The following TRIM33 variants were observed in gnomAD, a reference collection of about 807,000 sequenced individuals.
The protein encoded by TRIM33 is E3 ubiquitin-protein ligase TRIM33.
TRIM33 carries 20 observed loss-of-function variants against 125.4 expected under a neutral mutation model. That is an observed-to-expected ratio of 0.16 (90% CI 0.11 to 0.23). The LOEUF is 0.23. Among genes scored for constraint, TRIM33 ranks in the 10% least tolerant of loss-of-function variants. The probability of loss-of-function intolerance (pLI) is 1.00; values close to 1 mark genes in which losing one functional copy is unlikely to be tolerated. For synonymous variants in TRIM33, 564 were observed against 513.9 expected (o/e 1.10, Z -1.32); for missense variants, 920 against 1,411.4 (o/e 0.65, Z 5.58).
chr1:114,397,303 C>T lies in TRIM33; in HGVS notation c.*345G>A, dbSNP rs1236491024. ...GTGACACGAGTCTCAAGTATTTACT[C>T]GTATACCAAGTATCCTGCACCAATC... On this transcript the variant is annotated 3_prime_UTR_variant, in exon 20 of 20. Coordinates refer to ENST00000358465, the MANE Select transcript of TRIM33 (RefSeq NM_015906.4). 3 of 305,526 alleles carry T rather than the reference C, an allele frequency of 9.8e-6. No homozygotes were observed. Among genetic ancestry groups the T allele is most frequent in the Admixed American group, 4.6e-5 (1 of 21,818 alleles). The allele number at this position is 305,526 out of a possible 1,614,324, so 18.9% of individuals were successfully genotyped here. A position where few individuals can be genotyped will look rare whatever the true frequency, so the allele number is the denominator to read the frequency against.
At chr1:114,404,745 C>G (rs904082002) in intron 15 of TRIM33, 1 of 150,626 alleles carries the variant, frequency 6.6e-6, no homozygotes, top group Non-Finnish European at 1.5e-5. Context: ...AAGGTTAACA[C>G]TTTCAAAGAG....
chr1:114,456,107 G>A (rs1649602508), intron 4 of TRIM33, among the ~76,000 whole-genome samples: 1 of 152,196 alleles, frequency 6.6e-6, no homozygotes, highest in Admixed American at 6.5e-5. Flanking sequence ...GCCTTTATGT[G>A]AGGTGGTTAC....
intron 11 of TRIM33, among the ~76,000 whole-genome samples, chr1:114,413,371 C>A (rs1264481547): frequency 2.6e-5 from 4 of 151,708 alleles, no homozygotes; most frequent in Non-Finnish European, 5.9e-5. Flanking sequence ...CCAGCCTGAC[C>A]AACATGAAGA....
In TRIM33 at chr1:114,427,830, C is replaced by T. The variant is rs374822803; in HGVS notation, c.1220G>A (p.Arg407Gln). Reference sequence around the variant, plus strand: ...GAAGTTCATAACATGCTTCACCTGCCGGGAAAGGCCTGTGATGTCATTCTG... The same window carrying T: ...GAAGTTCATAACATGCTTCACCTGCTGGGAAAGGCCTGTGATGTCATTCTG... ...QQQNDITGLS[R>Q]QVKHVMNFTN... Residue 407 changes from arginine (R) to glutamine (Q), a missense_variant, in exon 7 of 20, where the codon CGG becomes CAG. Arg to Gln is a conservative substitution (Grantham distance 43). Around this residue, in one of 8 missense-constraint regions of TRIM33, gnomAD observed 407 missense variants for 589.7 expected, o/e 0.69. Coordinates refer to ENST00000358465, the MANE Select transcript of TRIM33 (RefSeq NM_015906.4). The T allele has an allele frequency of 2.6e-5, 42 of 1,614,014 alleles. No homozygotes were observed. The highest frequency in any genetic ancestry group is 1.9e-5 in the Non-Finnish European group (22 of 1,180,028).
intron 1 of TRIM33, among the ~76,000 whole-genome samples, chr1:114,467,712 T>C (rs1336920529): frequency 6.6e-6 from 1 of 152,180 alleles, no homozygotes; most frequent in Non-Finnish European, 1.5e-5. Context: ...CCATTAACCA[T>C]TTATGATTAA....
rs558513378 is a variant in TRIM33, at chr1:114,503,452, T to C, written c.526+7099A>G. On this transcript the variant is annotated intron_variant, in intron 1 of 19. Coordinates refer to ENST00000358465, the MANE Select transcript of TRIM33 (RefSeq NM_015906.4). Reference sequence around the variant, plus strand: ...AAGATTGCGCCACTGCACTCCAGTGTGGGTGACAAAGCAAGACTCCATCTC... The same window carrying C: ...AAGATTGCGCCACTGCACTCCAGTGCGGGTGACAAAGCAAGACTCCATCTC... Among the ~76,000 whole-genome samples the C allele has an allele frequency of 5.9e-5, 9 of 152,214 alleles. 1 individual carries two copies. The East Asian group carries it at 1.4e-3, about 23-fold the overall frequency.
intron 9 of TRIM33, 80 bp from the exon 10 acceptor site, chr1:114,424,835 A>T: frequency 9.7e-7 from 1 of 1,034,462 alleles, no homozygotes; most frequent in Non-Finnish European, 1.3e-6. Flanking sequence ...TCATAAAAAT[A>T]ATTCAGTCAA....
At chr1:114,508,606 C>G (rs185810174) in intron 1 of TRIM33, among the ~76,000 whole-genome samples, 108 of 152,128 alleles carry the variant, frequency 7.1e-4, no homozygotes, top group African/African-American at 2.6e-3. Context: ...CTCCCTACAC[C>G]CCAGCCCTCA....
intron 1 of TRIM33, among the ~76,000 whole-genome samples, chr1:114,487,671 G>C (rs1380562258): frequency 6.6e-6 from 1 of 151,428 alleles, no homozygotes; most frequent in Non-Finnish European, 1.5e-5. Context: ...GCCGAGGCGG[G>C]TGGATCATGA....
chr1:114,420,444 A>G (rs1653207388), intron 11 of TRIM33: 3 of 1,333,876 alleles, frequency 2.2e-6, no homozygotes, highest in Non-Finnish European at 3.0e-6. Flanking sequence ...CATCGGAACA[A>G]CGTTTGCCTG....
intron 11 of TRIM33, 52 bp downstream of exon 11, chr1:114,421,384 C>T (rs1653272250): frequency 1.3e-6 from 2 of 1,486,860 alleles, no homozygotes; most frequent in East Asian, 2.3e-5. Flanking sequence ...AATACTCTAA[C>T]TCTGTAATTA....
chr1:114,471,419 G>A (rs147322135), intron 1 of TRIM33, among the ~76,000 whole-genome samples: 1,557 of 147,994 alleles, frequency 0.011, 19 homozygotes, highest in Middle Eastern at 0.056. Context: ...CCAGCCTGGC[G>A]ACAGAGCAAG....
chr1:114,463,639 AC>A (rs1650122336), intron 2 of TRIM33, 83 bp from the exon 3 acceptor site: 2 of 817,690 alleles, frequency 2.4e-6, no homozygotes, highest in African/African-American at 3.5e-5. Flanking sequence ...TCTTCAATAT[AC>A]TATTTCACTG....
chr1:114,410,299 T>C lies in TRIM33; in HGVS notation c.2079A>G (p.Ser693=). ...IPPIQLEDAG[S]SSLDNLLSRY... Reference sequence around the variant, plus strand: ...TACTTAGTAGATTATCTAAACTACTTGAGCCAGCATCTTCCAACTGAAGAG... The same window carrying C: ...TACTTAGTAGATTATCTAAACTACTCGAGCCAGCATCTTCCAACTGAAGAG... Residue 693 remains serine (S), a synonymous_variant, in exon 12 of 20, where the codon TCA becomes TCG. Transcript: ENST00000358465. 6.2e-7 allele frequency: 1 copy of C among 1,611,368 alleles called. No homozygotes were observed. The highest frequency in any genetic ancestry group is 1.1e-5 in the South Asian group (1 of 90,636).
chr1:114,456,498 A>G (rs577078699), intron 4 of TRIM33, among the ~76,000 whole-genome samples: 2 of 152,312 alleles, frequency 1.3e-5, no homozygotes, highest in African/African-American at 2.4e-5. Flanking sequence ...GCAGTTCCTA[A>G]TATGGTCTCA....
intron 1 of TRIM33, among the ~76,000 whole-genome samples, chr1:114,469,533 T>A (rs1650510763): frequency 6.6e-6 from 1 of 152,230 alleles, no homozygotes; most frequent in Admixed American, 6.5e-5. Flanking sequence ...AATTGTTCAC[T>A]GGCATCTGTA....
chr1:114,409,435 A>G (rs777924089), intron 12 of TRIM33, among the ~76,000 whole-genome samples: 4 of 152,166 alleles, frequency 2.6e-5, no homozygotes, highest in Non-Finnish European at 5.9e-5. Flanking sequence ...GCCCTTCTTT[A>G]GCTCTTACTT....
At chr1:114,453,706 A>G (rs935638650) in intron 4 of TRIM33, among the ~76,000 whole-genome samples, 5 of 152,176 alleles carry the variant, frequency 3.3e-5, no homozygotes, top group Admixed American at 6.5e-5. Context: ...ACACAGTCTC[A>G]TATCAACCTC....
At chr1:114,475,850 A>T (rs1156242637) in intron 1 of TRIM33, among the ~76,000 whole-genome samples, 5 of 152,196 alleles carry the variant, frequency 3.3e-5, no homozygotes, top group Non-Finnish European at 7.4e-5. Context: ...AAAAACTTTA[A>T]AAACTAGCTC....
Sources: allele counts gnomAD v4.1 joint callset (sites outside exome capture counted in the v4.1 genomes callset), GRCh38; gene constraint gnomAD v4.1.1; regional missense constraint gnomAD v4.1.1; transcripts MANE v1.5; gene names NCBI Gene and HGNC (gene_info 2026-07-23, HGNC 2026-07-21).